ITGA2B: variants seen among roughly 807,000 people sequenced by gnomAD.
ITGA2B encodes integrin subunit alpha 2b, also known as integrin alpha-IIb.
A neutral mutation model predicts 142.0 loss-of-function variants in ITGA2B; 91 were observed. The observed-to-expected ratio is 0.64, with a 90% CI of 0.54 to 0.76. ITGA2B has a LOEUF of 0.76. ITGA2B is among the 30% of genes least tolerant of loss of function. The pLI, the probability that ITGA2B is intolerant of heterozygous loss-of-function variation, is 0.00. For synonymous variants in ITGA2B, 536 were observed against 567.2 expected (o/e 0.94, Z 0.78); for missense variants, 1,231 against 1,350.8 (o/e 0.91, Z 1.39).
chr17:44,389,189 C>T (rs2048676788), intron 1 of ITGA2B, 97 bp downstream of exon 1: 7 of 1,359,326 alleles, frequency 5.1e-6, no homozygotes, highest in Non-Finnish European at 2.1e-6. Flanking sequence ...TCACCTTGCT[C>T]AACTGCTATC....
rs1262869372 is a variant in ITGA2B at position 44,372,217 on chromosome 17, G to A, written c.*147C>T. On this transcript the variant is annotated 3_prime_UTR_variant, in exon 30 of 30. Coordinates refer to ENST00000262407, the MANE Select transcript of ITGA2B (RefSeq NM_000419.5). Reference sequence around the variant, plus strand: ...TCTCTTTATTAGGCAGCAGGAGGGGGGGTAGCCCAGCTCTGTTGGGAGGGA... The same window carrying A: ...TCTCTTTATTAGGCAGCAGGAGGGGAGGTAGCCCAGCTCTGTTGGGAGGGA... 1.3e-6 allele frequency: 1 copy of A among 751,436 alleles called. No individual in the cohort carries two copies. Among genetic ancestry groups the A allele is most frequent in the Non-Finnish European group, 2.3e-6 (1 of 432,050 alleles). 46.5% of individuals were successfully genotyped at this position (751,436 alleles called of 1,614,324 possible). A position where few individuals can be genotyped will look rare whatever the true frequency, so the allele number is the denominator to read the frequency against.
chr17:44,374,568 C>G (rs556140336), intron 28 of ITGA2B, 91 bp downstream of exon 28: 14 of 1,510,216 alleles, frequency 9.3e-6, no homozygotes, highest in African/African-American at 5.5e-5. Context: ...GCCACCCACC[C>G]GTACCACCCC....
chr17:44,381,803 A>T (rs1321130558), intron 12 of ITGA2B, among the ~76,000 whole-genome samples: 1 of 151,150 alleles, frequency 6.6e-6, no homozygotes, highest in Non-Finnish European at 1.5e-5. Flanking sequence ...ATTTTTAAAA[A>T]TTTTTATGGA....
intron 1 of ITGA2B, among the ~76,000 whole-genome samples, chr17:44,388,194 A>C (rs2048666480): frequency 6.6e-6 from 1 of 152,086 alleles, no homozygotes; most frequent in South Asian, 2.1e-4. Flanking sequence ...CTGAAGCCTG[A>C]TCAATACTAA....
chr17:44,384,075 T>C lies in ITGA2B; in HGVS notation c.945+10A>G, dbSNP rs886053008. Reference sequence around the variant, plus strand: ...CCACCCAGCCACGCCCACTGGGACCTGGCCCCCACCTGCTCTCCGCGCAGC... The same window carrying C: ...CCACCCAGCCACGCCCACTGGGACCCGGCCCCCACCTGCTCTCCGCGCAGC... On this transcript the variant is annotated intron_variant, in intron 10 of 29. Coordinates refer to ENST00000262407, the MANE Select transcript of ITGA2B (RefSeq NM_000419.5). 3.7e-6 allele frequency: 6 copies of C among 1,613,750 alleles called. No homozygotes were observed. Among genetic ancestry groups the C allele is most frequent in the Middle Eastern group, 1.6e-4 (1 of 6,062 alleles).
At position 44,387,060 on chromosome 17, in the gene ITGA2B, C is replaced by T. The variant is rs535057427; in HGVS notation, c.189-929G>A. On this transcript the variant is annotated intron_variant, in intron 1 of 29. Transcript: ENST00000262407. The stretch of plus-strand genomic sequence containing the variant: ...ACAGGCGTGAGCCTCTGTGTCTGGC[C>T]CATAATATTTTTTTAGCCTGCAGGA... Among the ~76,000 whole-genome samples the T allele has an allele frequency of 1.1e-4, 17 of 151,400 alleles. No homozygotes were observed. In the East Asian group the frequency reaches 1.6e-3, roughly 14 times the overall value.
intron 11 of ITGA2B, 46 bp downstream of exon 11, chr17:44,383,848 T>A: frequency 6.2e-7 from 1 of 1,608,134 alleles, no homozygotes; most frequent in Non-Finnish European, 8.5e-7. Flanking sequence ...GCAGCTCTGG[T>A]AATTTGGGAC....
At position 44,372,425 on chromosome 17, in the gene ITGA2B, TG is replaced by T. The variant is rs1355285000; in HGVS notation, c.3061-3del. Reference sequence around the variant, plus strand: ...CCGGTTCCGCTTGAAGAAGCCGACCTGGGGGTACACGGGGGCCAAGGTCAGG... The same window carrying T: ...CCGGTTCCGCTTGAAGAAGCCGACCTGGGGTACACGGGGGCCAAGGTCAGG... On this transcript the variant is annotated splice_region_variant and splice_polypyrimidine_tract_variant and intron_variant, in intron 29 of 29. Coordinates refer to ENST00000262407, the MANE Select transcript of ITGA2B (RefSeq NM_000419.5). The T allele has an allele frequency of 3.7e-6, 6 of 1,613,856 alleles. No homozygotes were observed. Among genetic ancestry groups the T allele is most frequent in the Non-Finnish European group, 5.1e-6 (6 of 1,179,922 alleles).
intron 24 of ITGA2B, 38 bp from the exon 25 acceptor site, chr17:44,376,023 C>T (rs776512876): frequency 6.8e-6 from 11 of 1,614,004 alleles, no homozygotes; most frequent in Non-Finnish European, 8.5e-6. Flanking sequence ...GGGAGCTTAG[C>T]GCCTCACCCG....
At chr17:44,383,805 C>T (rs922491380) in intron 11 of ITGA2B, 89 bp downstream of exon 11, 134 of 1,571,416 alleles carry the variant, frequency 8.5e-5, no homozygotes, top group Non-Finnish European at 1.1e-4. Flanking sequence ...CCAGTGGATA[C>T]GTGAGACTAG....
chr17:44,380,257 G>A lies in ITGA2B; in HGVS notation c.1589C>T (p.Pro530Leu), dbSNP rs1371069192. Residue 530 changes from proline (P) to leucine (L), a missense_variant, in exon 16 of 30, where the codon CCT becomes CTT. Transcript: ENST00000262407. The part of the protein sequence containing the change: ...MCVGATGHNI[P>L]QKLSLNAELQ... ...TTCATGCCACTCACATAGCTTCTGA[G>A]GAATGTTGTGCCCAGTGGCTCCAAC... is the stretch of plus-strand genomic sequence containing the variant. 6.8e-6 allele frequency: 11 copies of A among 1,614,192 alleles called. No homozygotes were observed. Among genetic ancestry groups the A allele is most frequent in the South Asian group, 1.1e-5 (1 of 91,086 alleles).
chr17:44,375,744 C>T (rs1317728453), intron 25 of ITGA2B, 28 bp from the exon 26 acceptor site: 1 of 1,560,926 alleles, frequency 6.4e-7, no homozygotes, highest in Non-Finnish European at 8.7e-7. Context: ...TGGTCAGGCC[C>T]AGGTCTCCCC....
intron 29 of ITGA2B, among the ~76,000 whole-genome samples, chr17:44,373,223 C>T (rs1465579728): frequency 1.3e-5 from 2 of 151,938 alleles, no homozygotes; most frequent in Non-Finnish European, 2.9e-5. Context: ...CTGCAACCTT[C>T]ACCTCCCGGG....
In ITGA2B at chr17:44,384,320, G is replaced by A. The variant is rs1472912984; in HGVS notation, c.882C>T (p.Thr294=). 3 of 1,613,310 alleles carry A rather than the reference G, an allele frequency of 1.9e-6. No homozygotes were observed. Among genetic ancestry groups the A allele is most frequent in the East Asian group, 2.2e-5 (1 of 44,868 alleles). Residue 294 remains threonine (T), a synonymous_variant, in exon 9 of 30, where the codon ACC becomes ACT. Transcript: ENST00000262407. ...YVVGAPTWSW[T]LGAVEILDSY... ...TGGTGGGGGCACTTACCGCTCCCAG[G>A]GTCCAGCTCCAAGTGGGGGCACCGA... is the stretch of plus-strand genomic sequence containing the variant.
chr17:44,385,966 A>T, intron 2 of ITGA2B, 44 bp downstream of exon 2: 1 of 1,614,158 alleles, frequency 6.2e-7, no homozygotes, highest in Non-Finnish European at 8.5e-7. Context: ...CCGGCAGTCC[A>T]CGTCCCTCTG....
chr17:44,386,378 A>G (rs1164445316), intron 1 of ITGA2B, among the ~76,000 whole-genome samples: 2 of 152,200 alleles, frequency 1.3e-5, no homozygotes, highest in Middle Eastern at 3.2e-3. Flanking sequence ...GACTATAACC[A>G]TTTGGTTTGA....
At chr17:44,376,228 T>G (rs1465988403) in intron 23 of ITGA2B, 44 bp from the exon 24 acceptor site, 2 of 1,613,648 alleles carry the variant, frequency 1.2e-6, no homozygotes, top group Non-Finnish European at 8.5e-7. Context: ...ATGCCCTGAT[T>G]GGCCTGTGAG....
At chr17:44,382,171 C>T (rs1307814790) in intron 12 of ITGA2B, among the ~76,000 whole-genome samples, 1 of 152,130 alleles carries the variant, frequency 6.6e-6, no homozygotes, top group East Asian at 1.9e-4. Context: ...TCTGCTGGCT[C>T]ATCCCCCCAT....
At chr17:44,378,838 GA>G in intron 18 of ITGA2B, 128 bp from the exon 19 acceptor site, 2 of 788,662 alleles carry the variant, frequency 2.5e-6, no homozygotes, top group Non-Finnish European at 2.1e-6. Context: ...ATCTGAGGAC[GA>G]AAAGGAGTTT....
Sources: gnomAD v4.1 joint callset for allele counts (sites outside exome capture counted in the v4.1 genomes callset) on GRCh38, gnomAD v4.1.1 for gene constraint, MANE v1.5 for transcripts, NCBI Gene and HGNC (gene_info 2026-07-23, HGNC 2026-07-21) for gene names.